COL22A1: variants seen among roughly 807,000 people sequenced by gnomAD.
COL22A1 encodes collagen type XXII alpha 1 chain.
Under a neutral mutation model 248.9 loss-of-function variants are expected in COL22A1, and 221 were observed. The observed-to-expected ratio is 0.89, with a 90% confidence interval of 0.80 to 0.99. COL22A1 has a LOEUF of 0.99. Ranked by LOEUF, COL22A1 falls within the 50% of genes least tolerant of loss-of-function variation. The probability of loss-of-function intolerance (pLI) is 0.00; values close to 1 mark genes in which losing one functional copy is unlikely to be tolerated. For missense variants in COL22A1, 2,240 were observed against 2,179.0 expected (o/e 1.03, Z -0.56); for synonymous variants, 891 against 793.4 (o/e 1.12, Z -2.07).
intron 4 of COL22A1, among the ~76,000 whole-genome samples, chr8:138,836,495 C>T (rs1820441216): frequency 6.6e-6 from 1 of 152,154 alleles, no homozygotes; most frequent in African/African-American, 2.4e-5. Flanking sequence ...ACAACAGTTG[C>T]TCACTAAATG....
chr8:138,725,328 C>T, intron 24 of COL22A1, 59 bp downstream of exon 24: 3 of 1,541,806 alleles, frequency 1.9e-6, no homozygotes, highest in Non-Finnish European at 2.7e-6. Context: ...GTCCCCAGGT[C>T]CCACAGGCCA....
At chr8:138,886,512 G>C (rs1824679398) in intron 1 of COL22A1, among the ~76,000 whole-genome samples, 1 of 152,216 alleles carries the variant, frequency 6.6e-6, no homozygotes, top group African/African-American at 2.4e-5. Flanking sequence ...TGAACTCAGA[G>C]AATCGAGACT....
intron 50 of COL22A1, among the ~76,000 whole-genome samples, chr8:138,626,759 A>G (rs1158245023): frequency 6.6e-6 from 1 of 152,230 alleles, no homozygotes; most frequent in Non-Finnish European, 1.5e-5. Context: ...ATGTTTTACC[A>G]ATAATTGCTT....
chr8:138,886,546 T>C (rs1366622816), intron 1 of COL22A1, among the ~76,000 whole-genome samples: 1 of 152,202 alleles, frequency 6.6e-6, no homozygotes, highest in Non-Finnish European at 1.5e-5. Context: ...GAGCATAGGA[T>C]CATCCAAGCA....
intron 15 of COL22A1, among the ~76,000 whole-genome samples, chr8:138,776,725 G>A (rs972453364): frequency 3.9e-5 from 6 of 152,048 alleles, no homozygotes; most frequent in Non-Finnish European, 4.4e-5. Flanking sequence ...CCTCCCCCAG[G>A]TAGAATGTAA....
At chr8:138,707,912 T>A (rs1438685371) in intron 30 of COL22A1, among the ~76,000 whole-genome samples, 2 of 152,196 alleles carry the variant, frequency 1.3e-5, no homozygotes, top group Admixed American at 6.5e-5. Context: ...AAAATCTCCT[T>A]AAGCTGAGAA....
rs570005516 is a variant in COL22A1 at position 138,646,353 on chromosome 8, CAT to C, written c.3501+274_3501+275del. On this transcript the variant is annotated intron_variant, in intron 47 of 64. Coordinates refer to ENST00000303045, the MANE Select transcript of COL22A1 (RefSeq NM_152888.3). ...AGTGGAGGCGTCTGACCACAAAACT[CAT>C]GTCTTAACCAGTAGGTCCCACACAG... Among the ~76,000 whole-genome samples the C allele has an allele frequency of 1.2e-4, 18 of 152,328 alleles. No homozygotes were observed. The South Asian group carries it at 3.7e-3, about 32-fold the overall frequency.
intron 64 of COL22A1, among the ~76,000 whole-genome samples, chr8:138,591,192 G>A (rs538794502): frequency 1.3e-5 from 2 of 151,988 alleles, no homozygotes; most frequent in Non-Finnish European, 2.9e-5. Flanking sequence ...TTAAACTCGC[G>A]GGATACACTT....
chr8:138,784,342 G>A (rs1815310378), intron 12 of COL22A1, among the ~76,000 whole-genome samples: 1 of 152,156 alleles, frequency 6.6e-6, no homozygotes, highest in African/African-American at 2.4e-5. Context: ...GTTGTTTCTT[G>A]GGAAAAGTGG....
chr8:138,624,583 G>A (rs886744801), intron 51 of COL22A1, among the ~76,000 whole-genome samples: 2 of 152,116 alleles, frequency 1.3e-5, no homozygotes, highest in East Asian at 1.9e-4. Context: ...CTTTGATAAC[G>A]GGTTAACACA....
At position 138,878,188 on chromosome 8, in the gene COL22A1, G is replaced by T. The variant is rs150655143; in HGVS notation, c.220C>A (p.Arg74Ser). The change falls in exon 3 of 65, where the codon CGC (arginine) becomes AGC (serine). Residue 74 changes from arginine (R) to serine (S), a missense_variant. Arg to Ser is a moderately radical substitution (Grantham distance 110, BLOSUM62 -1). Coordinates refer to ENST00000303045, the MANE Select transcript of COL22A1 (RefSeq NM_152888.3). Reference protein sequence around the residue: ...LVDTFEVGPDRTRVGVVRYSD... With the variant: ...LVDTFEVGPDSTRVGVVRYSD... ...TAGCGCACGACCCCCACACGGGTGC[G>T]GTCGGGGCCCACCTCGAAGGTGTCC... The T allele has an allele frequency of 2.3e-4, 362 of 1,601,408 alleles. No individual in the cohort carries two copies. The highest frequency in any genetic ancestry group is 2.9e-4 in the Non-Finnish European group (342 of 1,174,846).
rs556392980 is a variant in COL22A1 at position 138,628,873 on chromosome 8, C to T, written c.3663+1822G>A. Among the ~76,000 whole-genome samples the T allele has an allele frequency of 2.7e-5, 4 of 148,998 alleles. No individual in the cohort carries two copies. The East Asian group carries it at 8.1e-4, about 30-fold the overall frequency. The stretch of plus-strand genomic sequence containing the variant: ...CTCCACCTCCCTGGTTCAAGTGATT[C>T]TCCTGCCTCACTGTCCCGAGTAGCT... On this transcript the variant is annotated intron_variant, in intron 50 of 64. Coordinates refer to ENST00000303045, the MANE Select transcript of COL22A1 (RefSeq NM_152888.3).
Position 138,821,376 on chromosome 8 carries a change from G to A in COL22A1, c.1005C>T (p.Val335=), listed in dbSNP as rs147969710. Residue 335 remains valine (V), a synonymous_variant, in exon 7 of 65, where the codon GTC becomes GTT. Transcript: ENST00000303045. ...TCATGGCACCCACAGCGTTGTACTC[G>A]ACTGCCTTGTTTTCACCATCCAGCC... is the stretch of plus-strand genomic sequence containing the variant. ...SIRLDGENKA[V]EYNAVGAMKD... 151 of 1,613,828 alleles carry A rather than the reference G, an allele frequency of 9.4e-5. No individual in the cohort carries two copies. Among genetic ancestry groups the A allele is most frequent in the Non-Finnish European group, 1.2e-4 (139 of 1,179,920 alleles).
In COL22A1 at chr8:138,844,009, A is replaced by G. The variant is rs1040016439; in HGVS notation, c.733+75T>C. 5 of 1,327,714 alleles carry G rather than the reference A, an allele frequency of 3.8e-6. No homozygotes were observed. The African/African-American group carries it at 5.8e-5, about 15-fold the overall frequency. 82.2% of individuals were successfully genotyped at this position (1,327,714 alleles called of 1,614,324 possible). A position where few individuals can be genotyped will look rare whatever the true frequency, so the allele number is the denominator to read the frequency against. On this transcript the variant is annotated intron_variant, in intron 4 of 64. Coordinates refer to ENST00000303045, the MANE Select transcript of COL22A1 (RefSeq NM_152888.3). ...ACAGGGTCAGTGAGGCCACCCCTGA[A>G]TTGACTAGGGTCATGCTCAGGCTCA...
At chr8:138,899,264 C>T (rs1002281359) in intron 1 of COL22A1, among the ~76,000 whole-genome samples, 12 of 152,158 alleles carry the variant, frequency 7.9e-5, no homozygotes, top group African/African-American at 2.9e-4. Flanking sequence ...CCACCTTTCA[C>T]CATGCCAGAC....
At chr8:138,822,184 G>C (rs1270818084) in intron 6 of COL22A1, among the ~76,000 whole-genome samples, 3 of 151,932 alleles carry the variant, frequency 2.0e-5, no homozygotes, top group African/African-American at 7.3e-5. Flanking sequence ...CGAGTAGCTG[G>C]GATTACAGGT....
intron 30 of COL22A1, among the ~76,000 whole-genome samples, chr8:138,710,451 TCAA>T (rs1828853690): frequency 6.6e-6 from 1 of 152,326 alleles, no homozygotes; most frequent in Non-Finnish European, 1.5e-5. Context: ...TCGCCCTTAG[TCAA>T]CAACAATAAT....
chr8:138,746,058 C>T (rs573664839), intron 22 of COL22A1, among the ~76,000 whole-genome samples: 1 of 152,250 alleles, frequency 6.6e-6, no homozygotes, highest in African/African-American at 2.4e-5. Flanking sequence ...TGGCGTGGAG[C>T]GTGCCTCGCT....
At chr8:138,694,908 G>C in intron 32 of COL22A1, 29 bp from the exon 33 acceptor site, 1 of 1,610,216 alleles carries the variant, frequency 6.2e-7, no homozygotes, top group Non-Finnish European at 8.5e-7. Flanking sequence ...GGGTAGAGTG[G>C]ACTTCAGGGA....
Sources: gnomAD v4.1 joint callset for allele counts (sites outside exome capture counted in the v4.1 genomes callset) on GRCh38, gnomAD v4.1.1 for gene constraint, MANE v1.5 for transcripts, NCBI Gene and HGNC (gene_info 2026-07-23, HGNC 2026-07-21) for gene names.